The following RIMS1 variants were observed in gnomAD, a reference collection of about 807,000 sequenced individuals.
The protein encoded by RIMS1 is regulating synaptic membrane exocytosis 1.
Under a neutral mutation model 214.1 loss-of-function variants are expected in RIMS1, and 83 were observed. The ratio of observed to expected loss-of-function variants is 0.39; its 90% CI spans 0.32 to 0.47. The LOEUF (loss-of-function observed/expected upper bound fraction) is 0.47. RIMS1 is among the 20% of genes least tolerant of loss of function. The pLI, the probability that RIMS1 is intolerant of heterozygous loss-of-function variation, is 0.99. For missense variants in RIMS1, 2,050 were observed against 2,161.8 expected, an observed-to-expected ratio of 0.95 and a Z score of 1.03; for synonymous variants, 793 against 786.8, an observed-to-expected ratio of 1.01 and a Z score of -0.13.
chr6:72,332,670 A>C (rs1231561023), intron 28 of RIMS1, among the ~76,000 whole-genome samples: 1 of 150,908 alleles, frequency 6.6e-6, no homozygotes, highest in African/African-American at 2.4e-5. Flanking sequence ...ATGTACCCTA[A>C]AACTTAAAGT....
chr6:72,190,014 C>T (rs2049797088), intron 6 of RIMS1, among the ~76,000 whole-genome samples: 2 of 152,220 alleles, frequency 1.3e-5, no homozygotes, highest in South Asian at 4.1e-4. Context: ...CCCTGACCAT[C>T]CAGCCAAACC....
At chr6:71,951,928 C>A (rs2151138864) in intron 1 of RIMS1, among the ~76,000 whole-genome samples, 1 of 152,188 alleles carries the variant, frequency 6.6e-6, no homozygotes, top group Non-Finnish European at 1.5e-5. Context: ...TATCCCTGCT[C>A]CCTAGTAAGG....
chr6:72,043,992 A>T (rs1439562106), intron 2 of RIMS1, among the ~76,000 whole-genome samples: 1 of 151,590 alleles, frequency 6.6e-6, no homozygotes, highest in African/African-American at 2.4e-5. Context: ...CTTTTTAATG[A>T]TGTAATTAAC....
rs555127314 is a variant in RIMS1, at chr6:71,952,059, C to T, written c.165-16924C>T. Among the ~76,000 whole-genome samples, 49 of 152,214 alleles carry T rather than the reference C, an allele frequency of 3.2e-4. 1 individual carries two copies. In the South Asian group the frequency reaches 1.0e-2, roughly 31 times the overall value. The stretch of plus-strand genomic sequence containing the variant: ...CAGATTGGTGGCCCTATGACAGTTC[C>T]ATCATGCATGGGCAGGCCTGACCCT... On this transcript the variant is annotated intron_variant, in intron 1 of 33. Coordinates refer to ENST00000521978, the MANE Select transcript of RIMS1 (RefSeq NM_014989.7).
chr6:72,366,468 G>T (rs2098024167), intron 29 of RIMS1, among the ~76,000 whole-genome samples: 1 of 152,116 alleles, frequency 6.6e-6, no homozygotes, highest in Non-Finnish European at 1.5e-5. Flanking sequence ...CATTTCATTT[G>T]ATTTAAATGT....
At chr6:72,025,126 A>C (rs6908411) in intron 2 of RIMS1, among the ~76,000 whole-genome samples, 3,431 of 151,870 alleles carry the variant, frequency 0.023, 102 homozygotes, top group African/African-American at 0.077. Flanking sequence ...CTGGTCTCGA[A>C]CTCCTGACCT....
intron 10 of RIMS1, among the ~76,000 whole-genome samples, chr6:72,245,015 G>A (rs904278040): frequency 1.3e-5 from 2 of 151,920 alleles, no homozygotes; most frequent in South Asian, 2.1e-4. Flanking sequence ...TGGAAAATGA[G>A]AAGTAAAATA....
chr6:72,355,095 A>G (rs959433583), intron 29 of RIMS1, among the ~76,000 whole-genome samples: 1 of 152,220 alleles, frequency 6.6e-6, no homozygotes, highest in Non-Finnish European at 1.5e-5. Flanking sequence ...TGCATTTTGT[A>G]TACTTAACTA....
At position 72,161,372 on chromosome 6, in the gene RIMS1, T is replaced by C. The variant is rs1201258215; in HGVS notation, c.472-18203T>C. ...TCATTGATTTTTTTGAAGGGCTTTT[T>C]GTGTCTCTGTGTCCTTCAGTTCTGC... On this transcript the variant is annotated intron_variant, in intron 4 of 33. Transcript: ENST00000521978. Among the ~76,000 whole-genome samples the C allele has an allele frequency of 2.1e-5, 3 of 140,568 alleles. 1 individual carries two copies. The highest frequency in any genetic ancestry group is 3.2e-5 in the Non-Finnish European group (2 of 61,878). 92.2% of individuals were successfully genotyped at this position (140,568 alleles called of 152,430 possible).
At chr6:72,132,859 G>C (rs1004783555) in intron 4 of RIMS1, among the ~76,000 whole-genome samples, 7 of 152,044 alleles carry the variant, frequency 4.6e-5, no homozygotes, top group African/African-American at 1.7e-4. Flanking sequence ...CACCTTTCTT[G>C]TCTGAAAAAC....
chr6:71,905,192 G>A (rs1182136706), intron 1 of RIMS1, among the ~76,000 whole-genome samples: 1 of 151,468 alleles, frequency 6.6e-6, no homozygotes, highest in Non-Finnish European at 1.5e-5. Context: ...TTTTTTATAT[G>A]GGAAAATAGA....
intron 6 of RIMS1, among the ~76,000 whole-genome samples, chr6:72,196,002 G>A (rs968399652): frequency 2.0e-5 from 3 of 151,900 alleles, no homozygotes; most frequent in African/African-American, 4.8e-5. Context: ...GGGGGACACC[G>A]CCCCCATGAT....
chr6:72,026,819 C>A (rs1382333210), intron 2 of RIMS1, among the ~76,000 whole-genome samples: 1 of 152,080 alleles, frequency 6.6e-6, no homozygotes, highest in East Asian at 1.9e-4. Flanking sequence ...CATTTCATAT[C>A]TCTTCAAAAA....
At chr6:72,031,645 C>A (rs1818150388) in intron 2 of RIMS1, among the ~76,000 whole-genome samples, 1 of 152,094 alleles carries the variant, frequency 6.6e-6, no homozygotes, top group African/African-American at 2.4e-5. Context: ...GCATTATGGT[C>A]CAGCTTCTGA....
intron 2 of RIMS1, among the ~76,000 whole-genome samples, chr6:72,087,592 C>A (rs1355263685): frequency 6.6e-6 from 1 of 152,192 alleles, no homozygotes; most frequent in Non-Finnish European, 1.5e-5. Flanking sequence ...CTTGGCCCCC[C>A]AGAAAGTGAG....
intron 6 of RIMS1, among the ~76,000 whole-genome samples, chr6:72,201,785 T>A (rs1277404937): frequency 6.6e-6 from 1 of 152,200 alleles, no homozygotes; most frequent in Non-Finnish European, 1.5e-5. Context: ...ATTCCAGAGT[T>A]GTGCCTTGTT....
chr6:72,145,492 G>T (rs113887885), intron 4 of RIMS1, among the ~76,000 whole-genome samples: 50 of 152,120 alleles, frequency 3.3e-4, no homozygotes, highest in African/African-American at 1.2e-3. Context: ...CACTCCTGTA[G>T]TCCCAGCTAC....
At chr6:72,041,733 A>T (rs1159397698) in intron 2 of RIMS1, among the ~76,000 whole-genome samples, 1 of 151,936 alleles carries the variant, frequency 6.6e-6, no homozygotes. Flanking sequence ...CCTAGCATTG[A>T]TGTATATTTA....
At chr6:72,316,639 A>G in intron 28 of RIMS1, 1 of 501,564 alleles carries the variant, frequency 2.0e-6, no homozygotes, top group Non-Finnish European at 3.9e-6. Flanking sequence ...AGCAGGAGCC[A>G]CCAGGTCCCA....
Sources: gnomAD v4.1 joint callset for allele counts (sites outside exome capture counted in the v4.1 genomes callset) on GRCh38, gnomAD v4.1.1 for gene constraint, MANE v1.5 for transcripts, NCBI Gene and HGNC (gene_info 2026-07-23, HGNC 2026-07-21) for gene names.